The following DIP2A variants were observed in gnomAD, a reference collection of about 807,000 sequenced individuals.
The protein encoded by DIP2A is disco-interacting protein 2 homolog A.
A neutral mutation model predicts 177.4 loss-of-function variants in DIP2A; 85 were observed. The observed-to-expected ratio is 0.48, with a 90% CI of 0.40 to 0.57. The LOEUF (loss-of-function observed/expected upper bound fraction) is 0.57, where lower values mean the gene tolerates loss of function less well. Among genes scored for constraint, DIP2A ranks in the 20% least tolerant of loss-of-function variants. The probability of loss-of-function intolerance (pLI) is 0.00; values close to 1 mark genes in which losing one functional copy is unlikely to be tolerated. For missense variants in DIP2A, 1,791 were observed against 2,100.2 expected, an observed-to-expected ratio of 0.85 and a Z score of 2.88; for synonymous variants, 886 against 881.8, an observed-to-expected ratio of 1.00 and a Z score of -0.08.
intron 20 of DIP2A, 163 bp downstream of exon 20, chr21:46,546,124 A>C (rs969066458): frequency 1.4e-6 from 2 of 1,469,094 alleles, no homozygotes; most frequent in African/African-American, 2.8e-5. Flanking sequence ...ACCTGTGTGC[A>C]GGGCCATCCA....
intron 8 of DIP2A, among the ~76,000 whole-genome samples, chr21:46,520,109 T>C (rs1291126604): frequency 1.3e-5 from 2 of 151,914 alleles, no homozygotes; most frequent in African/African-American, 4.8e-5. Context: ...CTCCTGACCT[T>C]GTGATACACC....
intron 1 of DIP2A, among the ~76,000 whole-genome samples, chr21:46,466,038 A>G: frequency 6.6e-6 from 1 of 152,348 alleles, no homozygotes; most frequent in East Asian, 1.9e-4. Flanking sequence ...GCTTTCAAGC[A>G]AAAATCAAAA....
chr21:46,524,872 C>CTTTTTTTTTTTTTTTTTTTTTTTT (rs3061062), intron 8 of DIP2A, among the ~76,000 whole-genome samples: 2 of 63,402 alleles, frequency 3.2e-5, no homozygotes, highest in African/African-American at 6.9e-5. Context: ...TTGCTTTTTG[C>CTTTTTTTTTTTTTTTTTTTTTTTT]TTTTTTTTTT....
At chr21:46,524,843 T>C (rs2058993706) in intron 8 of DIP2A, among the ~76,000 whole-genome samples, 1 of 150,368 alleles carries the variant, frequency 6.7e-6, no homozygotes, top group Admixed American at 6.6e-5. Flanking sequence ...ATCAATCACC[T>C]TCTTTTCTTT....
At chr21:46,477,543 T>TTTTTTGTG (rs374607636) in intron 1 of DIP2A, among the ~76,000 whole-genome samples, 1 of 87,094 alleles carries the variant, frequency 1.1e-5, no homozygotes, top group African/African-American at 4.3e-5. Context: ...AAAAAAAGAT[T>TTTTTTGTG]TGTGTGTGTG....
chr21:46,545,512 C>G (rs1406743758), intron 19 of DIP2A, among the ~76,000 whole-genome samples: 1 of 152,240 alleles, frequency 6.6e-6, no homozygotes, highest in Non-Finnish European at 1.5e-5. Flanking sequence ...GTGCTTCCCA[C>G]AGTCCTGCAT....
chr21:46,545,395 G>A (rs977723052), intron 19 of DIP2A, 122 bp downstream of exon 19: 47 of 1,178,114 alleles, frequency 4.0e-5, no homozygotes, highest in Non-Finnish European at 5.2e-5. Flanking sequence ...CCACACAGGC[G>A]CTGCTGGGGC....
chr21:46,566,113 C>T (rs2060828951), intron 36 of DIP2A, among the ~76,000 whole-genome samples: 1 of 152,142 alleles, frequency 6.6e-6, no homozygotes, highest in East Asian at 1.9e-4. Context: ...GCGTGGGGGA[C>T]GGTGTTGGTG....
chr21:46,472,218 C>T (rs1273346543), intron 1 of DIP2A, among the ~76,000 whole-genome samples: 1 of 152,240 alleles, frequency 6.6e-6, no homozygotes, highest in East Asian at 1.9e-4. Context: ...CAGCTGTCTG[C>T]AAGCCAAGGA....
In DIP2A at chr21:46,503,611, CCTTTCTTTCTTTCTTT is replaced by C. The variant is rs779856854; in HGVS notation, c.656-740_656-725del. On this transcript the variant is annotated intron_variant, in intron 5 of 37. Coordinates refer to ENST00000417564, the MANE Select transcript of DIP2A (RefSeq NM_015151.4). ...TCCTTCCTTCCTTCCTTCCTTCCTT[CCTTTCTTTCTTTCTTT>C]CTTTCTTTCCTTTCTTTCTTTCTTT... Among the ~76,000 whole-genome samples the C allele has an allele frequency of 1.2e-4, 16 of 128,654 alleles. 1 individual carries two copies. The highest frequency in any genetic ancestry group is 4.5e-4 in the African/African-American group (14 of 31,160). 84.4% of individuals were successfully genotyped at this position (128,654 alleles called of 152,430 possible).
chr21:46,463,505 A>G (rs1267360109), intron 1 of DIP2A, among the ~76,000 whole-genome samples: 1 of 152,172 alleles, frequency 6.6e-6, no homozygotes, highest in Non-Finnish European at 1.5e-5. Flanking sequence ...GGTCTATTCC[A>G]TAGCTTTAAC....
At chr21:46,482,784 GC>G (rs1338846350) in intron 1 of DIP2A, among the ~76,000 whole-genome samples, 13 of 152,134 alleles carry the variant, frequency 8.5e-5, no homozygotes, top group African/African-American at 3.1e-4. Context: ...TAGGGATTTG[GC>G]ATCTGTGATC....
rs2058608085 is a variant in DIP2A, at chr21:46,516,936, T to A, written c.1102+5322T>A. Among the ~76,000 whole-genome samples, 3 of 152,238 alleles carry A rather than the reference T, an allele frequency of 2.0e-5. No individual in the cohort carries two copies. The South Asian group carries it at 6.2e-4, about 32-fold the overall frequency. ...CTCATTATTCCATACACTTTCCTAA[T>A]CTTTGCTTCTGCTGCCTTGAATACA... On this transcript the variant is annotated intron_variant, in intron 8 of 37. Coordinates refer to ENST00000417564, the MANE Select transcript of DIP2A (RefSeq NM_015151.4).
At chr21:46,531,985 T>C (rs1174482206) in intron 9 of DIP2A, 142 bp from the exon 10 acceptor site, 2 of 707,642 alleles carry the variant, frequency 2.8e-6, no homozygotes, top group East Asian at 2.8e-5. Flanking sequence ...TAAATACTAT[T>C]TGGACTTGTC....
chr21:46,505,121 C>G (rs2057905051), intron 6 of DIP2A, among the ~76,000 whole-genome samples: 1 of 152,060 alleles, frequency 6.6e-6, no homozygotes, highest in Non-Finnish European at 1.5e-5. Flanking sequence ...TGTTGGTACT[C>G]CCAAACAGAG....
At chr21:46,566,403 C>T in intron 36 of DIP2A, among the ~76,000 whole-genome samples, 157 bp from the exon 37 acceptor site, 1 of 152,306 alleles carries the variant, frequency 6.6e-6, no homozygotes, top group East Asian at 1.9e-4. Context: ...TCTGCCAGGA[C>T]CTCCATCACC....
the DIP2A span, among the ~76,000 whole-genome samples, chr21:46,576,190 CAT>C: frequency 5.9e-5 from 9 of 152,164 alleles, no homozygotes; most frequent in South Asian, 2.1e-4. Flanking sequence ...CATAGGCAAA[CAT>C]GTGCCATGGT....
At chr21:46,474,846 A>G (rs1299327669) in intron 1 of DIP2A, among the ~76,000 whole-genome samples, 2 of 152,174 alleles carry the variant, frequency 1.3e-5, no homozygotes, top group Non-Finnish European at 1.5e-5. Context: ...GGTGGATCAG[A>G]GCAGTGAGGA....
chr21:46,500,779 C>CT (rs1483770697), intron 5 of DIP2A, among the ~76,000 whole-genome samples: 1 of 152,178 alleles, frequency 6.6e-6, no homozygotes, highest in Non-Finnish European at 1.5e-5. Flanking sequence ...GCATTGAACT[C>CT]TAATGTGTGT....
Sources: gnomAD v4.1 joint callset for allele counts (sites outside exome capture counted in the v4.1 genomes callset) on GRCh38, gnomAD v4.1.1 for gene constraint, MANE v1.5 for transcripts, NCBI Gene and HGNC (gene_info 2026-07-23, HGNC 2026-07-21) for gene names.